ANKFN1: variants seen among roughly 807,000 people sequenced by gnomAD.
ANKFN1 encodes the protein ankyrin repeat and fibronectin type-III domain-containing protein 1.
ANKFN1 carries 74 observed loss-of-function variants against 108.7 expected under a neutral mutation model. The ratio of observed to expected loss-of-function variants is 0.68; its 90% CI spans 0.56 to 0.83. The LOEUF (loss-of-function observed/expected upper bound fraction) is 0.83, where lower values mean the gene tolerates loss of function less well. ANKFN1 is among the 40% of genes least tolerant of loss of function. The pLI is 0.00. For synonymous variants in ANKFN1, 547 were observed against 516.2 expected, an observed-to-expected ratio of 1.06 and a Z score of -0.81; for missense variants, 1,505 against 1,382.3, an observed-to-expected ratio of 1.09 and a Z score of -1.41.
intron 3 of ANKFN1, among the ~76,000 whole-genome samples, chr17:56,310,628 AG>A (rs2044992434): frequency 1.3e-5 from 2 of 151,138 alleles, no homozygotes; most frequent in Admixed American, 6.6e-5. Context: ...AAAAAAAAAA[AG>A]AAAAAAAGAA....
intron 6 of ANKFN1, among the ~76,000 whole-genome samples, chr17:56,364,614 A>G (rs1019821045): frequency 3.3e-5 from 5 of 152,210 alleles, no homozygotes; most frequent in Non-Finnish European, 7.3e-5. Flanking sequence ...AGTGGCTTGC[A>G]TGTTGTGCTT....
chr17:56,396,706 G>A (rs2047598538), intron 8 of ANKFN1, among the ~76,000 whole-genome samples: 2 of 152,088 alleles, frequency 1.3e-5, no homozygotes, highest in Admixed American at 1.3e-4. Context: ...ACCTCATACA[G>A]TCCTGTGGAG....
intron 4 of ANKFN1, among the ~76,000 whole-genome samples, chr17:56,096,614 G>A (rs997144008): frequency 1.3e-5 from 2 of 152,196 alleles, no homozygotes; most frequent in Non-Finnish European, 2.9e-5. Context: ...CCACAAAAAT[G>A]CTGGCGAGGT....
At chr17:56,482,581 C>A in intron 18 of ANKFN1, 57 bp downstream of exon 18, 1 of 1,575,412 alleles carries the variant, frequency 6.3e-7, no homozygotes. Flanking sequence ...AATAAAATCA[C>A]AAAGTTATAT....
At chr17:56,278,811 C>T (rs1348753289) in intron 3 of ANKFN1, among the ~76,000 whole-genome samples, 1 of 152,178 alleles carries the variant, frequency 6.6e-6, no homozygotes, top group African/African-American at 2.4e-5. Context: ...TTGAACTGAA[C>T]AAGTACATTA....
At chr17:56,087,753 T>C (rs1905342974) in intron 4 of ANKFN1, among the ~76,000 whole-genome samples, 1 of 151,166 alleles carries the variant, frequency 6.6e-6, no homozygotes, top group Non-Finnish European at 1.5e-5. Context: ...ATAAATAAAG[T>C]TTTATTGGAA....
chr17:56,476,813 TA>T (rs2050516213), intron 15 of ANKFN1, among the ~76,000 whole-genome samples: 1 of 152,232 alleles, frequency 6.6e-6, no homozygotes, highest in African/African-American at 2.4e-5. Context: ...CAAATATAAG[TA>T]GTATCATTTT....
At chr17:56,194,458 G>A (rs1298899508) in intron 1 of ANKFN1, among the ~76,000 whole-genome samples, 1 of 152,150 alleles carries the variant, frequency 6.6e-6, no homozygotes, top group Non-Finnish European at 1.5e-5. Flanking sequence ...GTCATGAAAA[G>A]ACATGGGGAA....
chr17:56,060,162 A>G (rs959868928), intron 4 of ANKFN1, among the ~76,000 whole-genome samples: 1 of 152,140 alleles, frequency 6.6e-6, no homozygotes, highest in African/African-American at 2.4e-5. Context: ...TGTTAGCTGT[A>G]TTCCTAGGTA....
intron 3 of ANKFN1, among the ~76,000 whole-genome samples, chr17:56,229,421 C>T (rs747433970): frequency 6.6e-6 from 1 of 151,908 alleles, no homozygotes; most frequent in Non-Finnish European, 1.5e-5. Context: ...TACTTTCTTG[C>T]ATATTCATAT....
At chr17:56,469,860 T>C (rs1273356241) in intron 15 of ANKFN1, among the ~76,000 whole-genome samples, 4 of 152,018 alleles carry the variant, frequency 2.6e-5, no homozygotes, top group Non-Finnish European at 5.9e-5. Context: ...TGTGCCATGG[T>C]GATCTGCTGC....
intron 6 of ANKFN1, among the ~76,000 whole-genome samples, chr17:56,361,926 T>C (rs762462817): frequency 5.3e-5 from 8 of 151,978 alleles, no homozygotes; most frequent in Non-Finnish European, 1.2e-4. Context: ...GAAGCAACAG[T>C]GACATGTATA....
At chr17:56,084,946 G>T (rs1905289736) in intron 4 of ANKFN1, among the ~76,000 whole-genome samples, 1 of 150,912 alleles carries the variant, frequency 6.6e-6, no homozygotes, top group Non-Finnish European at 1.5e-5. Flanking sequence ...GGGAGCCTCA[G>T]ACCCAGGGCA....
intron 1 of ANKFN1, among the ~76,000 whole-genome samples, chr17:56,201,332 T>TC (rs376206482): frequency 6.7e-4 from 102 of 152,290 alleles, no homozygotes; most frequent in Middle Eastern, 3.4e-3. Flanking sequence ...CACCAACTCA[T>TC]CCAGCAGACC....
At chr17:56,243,714 T>C (rs12600812) in intron 3 of ANKFN1, among the ~76,000 whole-genome samples, 14,322 of 152,056 alleles carry the variant, frequency 0.094, 876 homozygotes, top group East Asian at 0.22. Flanking sequence ...TCCCATCCCC[T>C]GTTTATCTCC....
chr17:56,375,235 C>G (rs889566188), intron 8 of ANKFN1, among the ~76,000 whole-genome samples: 6 of 152,072 alleles, frequency 3.9e-5, no homozygotes, highest in African/African-American at 1.4e-4. Context: ...GGCATTCAGG[C>G]CTGGCTATGA....
At chr17:56,065,189 ATGCTATTGC>A (rs1905041435) in intron 4 of ANKFN1, among the ~76,000 whole-genome samples, 2 of 152,096 alleles carry the variant, frequency 1.3e-5, no homozygotes, top group African/African-American at 4.8e-5. Context: ...TGTCTTATCT[ATGCTATTGC>A]TTCCATCTTT....
intron 4 of ANKFN1, among the ~76,000 whole-genome samples, chr17:56,113,323 C>G: frequency 6.6e-6 from 1 of 151,978 alleles, no homozygotes. Flanking sequence ...CTGTACAGAA[C>G]CCAAAAAATG....
intron 1 of ANKFN1, among the ~76,000 whole-genome samples, chr17:56,197,098 T>C (rs1913585632): frequency 1.3e-5 from 2 of 152,218 alleles, no homozygotes; most frequent in South Asian, 2.1e-4. Context: ...GAGGCTGCAA[T>C]CTCATTTTCG....
Sources: allele counts gnomAD v4.1 joint callset (sites outside exome capture counted in the v4.1 genomes callset), GRCh38; gene constraint gnomAD v4.1.1; transcripts MANE v1.5; gene names NCBI Gene and HGNC (gene_info 2026-07-23, HGNC 2026-07-21).